APC: variants seen among roughly 807,000 people sequenced by gnomAD.
The protein encoded by APC is adenomatous polyposis coli protein.
Under a neutral mutation model 247.0 loss-of-function variants are expected in APC, and 72 were observed. That is an observed-to-expected ratio of 0.29 (90% CI 0.24 to 0.35). APC has a LOEUF of 0.35. Ranked by LOEUF, APC falls within the 10% of genes least tolerant of loss-of-function variation. The pLI is 1.00. For synonymous variants in APC, 1,254 were observed against 1,162.5 expected (o/e 1.08, Z -1.60); for missense variants, 3,400 against 3,360.7 (o/e 1.01, Z -0.29).
At chr5:112,825,413 T>C (rs939193456) in intron 11 of APC, among the ~76,000 whole-genome samples, 4 of 152,258 alleles carry the variant, frequency 2.6e-5, no homozygotes, top group Non-Finnish European at 5.9e-5. Context: ...TAAAGTCTTA[T>C]GTGATCCGGC....
intron 10 of APC, among the ~76,000 whole-genome samples, chr5:112,821,618 C>T (rs1468664240): frequency 6.6e-6 from 1 of 151,874 alleles, no homozygotes; most frequent in East Asian, 1.9e-4. Context: ...AAGTTATTAG[C>T]TATATGAGTA....
chr5:112,817,269 A>G (rs1216721403), intron 9 of APC, among the ~76,000 whole-genome samples: 1 of 152,206 alleles, frequency 6.6e-6, no homozygotes, highest in Non-Finnish European at 1.5e-5. Flanking sequence ...TTTTCACAGC[A>G]TACTCTGTAT....
At chr5:112,793,544 A>G (rs940403612) in intron 7 of APC, among the ~76,000 whole-genome samples, 1 of 152,196 alleles carries the variant, frequency 6.6e-6, no homozygotes, top group Non-Finnish European at 1.5e-5. Flanking sequence ...ATCACCCTAT[A>G]GGGTAATATA....
upstream of APC, chr5:112,737,771 T>A: frequency 3.3e-6 from 3 of 906,176 alleles, no homozygotes; most frequent in African/African-American, 1.8e-5. Flanking sequence ...AGCTGTGTAA[T>A]CCGCTGGATG....
At chr5:112,746,399 T>A (rs1274514867) in intron 1 of APC, among the ~76,000 whole-genome samples, 1 of 152,166 alleles carries the variant, frequency 6.6e-6, no homozygotes, top group Non-Finnish European at 1.5e-5. Flanking sequence ...AGCATAAGCT[T>A]AATTGAAAAC....
intron 1 of APC, among the ~76,000 whole-genome samples, chr5:112,715,125 T>C (rs529745826): frequency 6.6e-6 from 1 of 152,360 alleles, no homozygotes; most frequent in African/African-American, 2.4e-5. Flanking sequence ...TAATAGAGTA[T>C]GAATTCGTTT....
At chr5:112,792,570 G>T in intron 7 of APC, 41 bp downstream of exon 7, 1 of 1,406,198 alleles carries the variant, frequency 7.1e-7, no homozygotes, top group Non-Finnish European at 1.0e-6. Context: ...ATAAAAATAG[G>T]TAGTTATTCT....
In APC at chr5:112,819,056, G is replaced by T. The variant is rs1580528424; in HGVS notation, c.1024G>T (p.Asp342Tyr). 6.2e-7 allele frequency: 1 copy of T among 1,614,094 alleles called. No individual in the cohort carries two copies. The highest frequency in any genetic ancestry group is 1.3e-5 in the African/African-American group (1 of 75,020). ...RTLLAMSSSQDSCISMRQSGC... is the reference protein window; with the variant it reads ...RTLLAMSSSQYSCISMRQSGC... ...TTTGCTAGCTATGTCTAGCTCCCAA[G>T]ACAGCTGTATATCCATGCGACAGTC... is the stretch of plus-strand genomic sequence containing the variant. Residue 342 changes from aspartate to tyrosine, a missense_variant, in exon 10 of 16, where the codon GAC (aspartate) becomes TAC (tyrosine). Around this residue, in one of 9 missense-constraint regions of APC, gnomAD observed 199 missense variants for 212.5 expected, o/e 0.94. Coordinates refer to ENST00000257430, the MANE Select transcript of APC (RefSeq NM_000038.6).
intron 5 of APC, among the ~76,000 whole-genome samples, chr5:112,776,831 C>G (rs773288900): frequency 4.6e-5 from 7 of 150,914 alleles, no homozygotes; most frequent in Non-Finnish European, 8.9e-5. Flanking sequence ...GGTGACAGAG[C>G]AAGACTCCAT....
chr5:112,776,178 C>T lies in APC; in HGVS notation c.531+441C>T, dbSNP rs138442575. On this transcript the variant is annotated intron_variant, in intron 5 of 15. Transcript: ENST00000257430. Reference sequence around the variant, plus strand: ...GATATAAATGCCAATAGCTATAGCACGGATATTAGCATTTTTGCAAGCACT... The same window carrying T: ...GATATAAATGCCAATAGCTATAGCATGGATATTAGCATTTTTGCAAGCACT... Among the ~76,000 whole-genome samples, 601 of 152,172 alleles carry T rather than the reference C, an allele frequency of 3.9e-3. 2 individuals are homozygous for T. Among genetic ancestry groups the T allele is most frequent in the African/African-American group, 0.014 (574 of 41,512 alleles).
intron 1 of APC, among the ~76,000 whole-genome samples, chr5:112,744,765 C>T (rs1753452797): frequency 6.6e-6 from 1 of 152,082 alleles, no homozygotes; most frequent in African/African-American, 2.4e-5. Context: ...TATCTTGGAA[C>T]TTAATAGGAA....
chr5:112,781,798 C>T (rs540359166), intron 6 of APC, among the ~76,000 whole-genome samples: 13 of 150,096 alleles, frequency 8.7e-5, no homozygotes, highest in Non-Finnish European at 1.6e-4. Context: ...CACCCTGTTG[C>T]CCAGGCTGAA....
intron 2 of APC, among the ~76,000 whole-genome samples, chr5:112,759,524 AT>A (rs1266433571): frequency 3.3e-5 from 5 of 151,606 alleles, no homozygotes; most frequent in Non-Finnish European, 7.4e-5. Flanking sequence ...CGCCCAGCTA[AT>A]TTTTGTATTT....
chr5:112,736,731 T>A (rs186024045), upstream of APC, among the ~76,000 whole-genome samples: 1,016 of 152,246 alleles, frequency 6.7e-3, 16 homozygotes, highest in African/African-American at 0.023. Context: ...CTGGCCAGCA[T>A]GGTGAAACCC....
intron 1 of APC, among the ~76,000 whole-genome samples, chr5:112,723,686 A>G (rs962886649): frequency 2.0e-5 from 3 of 152,324 alleles, no homozygotes; most frequent in East Asian, 1.9e-4. Context: ...CATTTAATTT[A>G]TATGCTGTAT....
At chr5:112,768,377 G>A (rs932720598) in intron 4 of APC, among the ~76,000 whole-genome samples, 7 of 148,172 alleles carry the variant, frequency 4.7e-5, no homozygotes, top group Middle Eastern at 3.5e-3. Flanking sequence ...AAAAAAAAAA[G>A]AAAAAAAGTA....
At chr5:112,743,515 T>C (rs1262908904) in intron 1 of APC, among the ~76,000 whole-genome samples, 1 of 152,250 alleles carries the variant, frequency 6.6e-6, no homozygotes, top group East Asian at 1.9e-4. Context: ...TTACCAAGTT[T>C]ATTTAAAGCA....
In APC at chr5:112,784,465, C is replaced by T. The variant is rs79402361; in HGVS notation, c.645+3562C>T. Among the ~76,000 whole-genome samples the T allele has an allele frequency of 6.1e-3, 932 of 152,240 alleles. 5 individuals are homozygous for T. The highest frequency in any genetic ancestry group is 0.01 in the Non-Finnish European group (692 of 68,020). On this transcript the variant is annotated intron_variant, in intron 6 of 15. Transcript: ENST00000257430. ...AATTAAAATGCCTGTGCTCTATGAC[C>T]GTGTGTTTCTATAGGACTTCTAGGA...
At chr5:112,714,246 G>A (rs1416656789) in intron 1 of APC, among the ~76,000 whole-genome samples, 2 of 152,222 alleles carry the variant, frequency 1.3e-5, no homozygotes, top group African/African-American at 4.8e-5. Flanking sequence ...TAATTATTAA[G>A]TAGAGGCCAG....
Sources: gnomAD v4.1 joint callset for allele counts (sites outside exome capture counted in the v4.1 genomes callset) on GRCh38, gnomAD v4.1.1 for gene constraint, gnomAD v4.1.1 regional missense constraint, MANE v1.5 for transcripts, NCBI Gene and HGNC (gene_info 2026-07-23, HGNC 2026-07-21) for gene names.